Variants in SLC26A3 observed in about 807,000 individuals in gnomAD.
The protein encoded by SLC26A3 is solute carrier family 26 member 3.
In SLC26A3, 64 loss-of-function variants were observed where a neutral mutation model predicts 85.6. The observed-to-expected ratio is 0.75, with a 90% CI of 0.61 to 0.92. SLC26A3 has a LOEUF of 0.92. SLC26A3 is among the 40% of genes least tolerant of loss of function. SLC26A3 has a pLI of 0.00. For missense variants in SLC26A3, 922 were observed against 927.3 expected (o/e 0.99, Z 0.07); for synonymous variants, 349 against 336.0 (o/e 1.04, Z -0.42).
At chr7:107,797,739 C>CATTTTTTTTTTTTTTTTTTTTTTTTTTTT (rs781396459) in intron 1 of SLC26A3, among the ~76,000 whole-genome samples, 1 of 70,538 alleles carries the variant, frequency 1.4e-5, no homozygotes, top group African/African-American at 8.3e-5. Flanking sequence ...TTGAGCAGGA[C>CATTTTTTTTTTTTTTTTTTTTTTTTTTTT]CTTTTTTTTT....
rs1562881168 is a variant in SLC26A3, at chr7:107,791,876, T to C, written c.336A>G (p.Pro112=). 1.2e-6 allele frequency: 2 copies of C among 1,613,754 alleles called. 1 individual carries two copies. The highest frequency in any genetic ancestry group is 2.2e-5 in the South Asian group (2 of 91,080). Residue 112 remains proline (P), a synonymous_variant, in exon 4 of 21, where the codon CCA becomes CCG. Transcript: ENST00000340010. ...TGCCGAAGAAAAGGTAGATTATGGCTGGGAAAAAGGATGCATACAACCCAT... is the reference window on the plus strand; with the variant it reads ...TGCCGAAGAAAAGGTAGATTATGGCCGGGAAAAAGGATGCATACAACCCAT... ...PVYGLYASFF[P]AIIYLFFGTS... is the part of the protein sequence containing the mutation.
At chr7:107,779,843 AGT>A in intron 11 of SLC26A3, 80 bp from the exon 12 acceptor site, 1 of 1,209,590 alleles carries the variant, frequency 8.3e-7, no homozygotes, top group Non-Finnish European at 1.2e-6. Flanking sequence ...GCTATAGATA[AGT>A]GTGTGCTTTA....
At chr7:107,797,579 G>A (rs1794528864) in intron 1 of SLC26A3, among the ~76,000 whole-genome samples, 1 of 152,076 alleles carries the variant, frequency 6.6e-6, no homozygotes, top group Non-Finnish European at 1.5e-5. Flanking sequence ...TTTTCCCCTT[G>A]CACCCATCCC....
At position 107,782,817 on chromosome 7, in the gene SLC26A3, G is replaced by A; in HGVS notation, c.1291C>T (p.Leu431Phe). Residue 431 changes from leucine to phenylalanine, a missense_variant, in exon 11 of 21, where the codon CTC becomes TTC. By Grantham distance (22) the Leu-to-Phe change is conservative. Coordinates refer to ENST00000340010, the MANE Select transcript of SLC26A3 (RefSeq NM_000111.3). ...GTTACCTTTTGTAGAGGCGCCAGGA[G>A]AAATCCAATGGCTAGAACGACAATC... ...VLIVVLAIGFLLAPLQKSVLA... is the reference protein window; with the variant it reads ...VLIVVLAIGFFLAPLQKSVLA... 6.2e-7 allele frequency: 1 copy of A among 1,614,112 alleles called. No individual in the cohort carries two copies. The highest frequency in any genetic ancestry group is 8.5e-7 in the Non-Finnish European group (1 of 1,179,980).
intron 8 of SLC26A3, among the ~76,000 whole-genome samples, chr7:107,786,544 T>C (rs1249834613): frequency 6.6e-6 from 1 of 151,556 alleles, no homozygotes; most frequent in African/African-American, 2.4e-5. Context: ...TCCCTGCTTG[T>C]CTTGTTTGTG....
Position 107,789,720 on chromosome 7 carries a change from A to T in SLC26A3, c.571-32T>A, listed in dbSNP as rs1482961654. 2.5e-6 allele frequency: 4 copies of T among 1,602,108 alleles called. No individual in the cohort carries two copies. The African/African-American group carries it at 5.4e-5, about 21-fold the overall frequency. On this transcript the variant is annotated intron_variant, in intron 5 of 20. Coordinates refer to ENST00000340010, the MANE Select transcript of SLC26A3 (RefSeq NM_000111.3). ...AGAGAACAAAAGCCTTTGTCAGCATAGATTAGGAGTATACCTCAGCAAACT... is the reference window on the plus strand; with the variant it reads ...AGAGAACAAAAGCCTTTGTCAGCATTGATTAGGAGTATACCTCAGCAAACT...
chr7:107,790,132 A>G (rs1794368000), intron 5 of SLC26A3, among the ~76,000 whole-genome samples: 1 of 152,236 alleles, frequency 6.6e-6, no homozygotes, highest in African/African-American at 2.4e-5. Context: ...AAAGTTGCTC[A>G]ACTTGCTTAA....
In SLC26A3 at chr7:107,767,949, G is replaced by A. The variant is rs189832937; in HGVS notation, c.2063-41C>T. On this transcript the variant is annotated intron_variant, in intron 18 of 20. Coordinates refer to ENST00000340010, the MANE Select transcript of SLC26A3 (RefSeq NM_000111.3). ...CAGTAACTTTTAGGAAGAAACAATT[G>A]TTTGGCTACCGGTTTCCCCTTGAGG... 9.4e-6 allele frequency: 15 copies of A among 1,596,960 alleles called. No homozygotes were observed. In the African/African-American group the frequency reaches 2.0e-4, roughly 21 times the overall value.
chr7:107,767,038 AG>A (rs1361719222), intron 20 of SLC26A3, among the ~76,000 whole-genome samples: 5 of 152,214 alleles, frequency 3.3e-5, no homozygotes, highest in Non-Finnish European at 7.3e-5. Context: ...ATTGCTTTAA[AG>A]GACTGAATGT....
chr7:107,776,057 T>A (rs1446018898), intron 15 of SLC26A3: 2 of 298,690 alleles, frequency 6.7e-6, no homozygotes, highest in African/African-American at 4.3e-5. Context: ...ACTATTCATT[T>A]ACAACTGTTA....
intron 16 of SLC26A3, 119 bp downstream of exon 16, chr7:107,774,658 T>A: frequency 2.5e-6 from 2 of 801,370 alleles, no homozygotes; most frequent in Non-Finnish European, 2.2e-6. Context: ...ATAACACTCA[T>A]TGACACATGA....
intron 13 of SLC26A3, among the ~76,000 whole-genome samples, chr7:107,777,800 T>C (rs1466803706): frequency 6.6e-6 from 1 of 152,092 alleles, no homozygotes; most frequent in African/African-American, 2.4e-5. Flanking sequence ...GGAAACAATC[T>C]CACAATCTCA....
chr7:107,801,707 G>A (rs1467535097), intron 1 of SLC26A3, among the ~76,000 whole-genome samples: 1 of 152,096 alleles, frequency 6.6e-6, no homozygotes, highest in Non-Finnish European at 1.5e-5. Flanking sequence ...TATCCAGAGG[G>A]AGAAGGCAAA....
At chr7:107,800,781 A>G (rs965038324) in intron 1 of SLC26A3, among the ~76,000 whole-genome samples, 1 of 152,258 alleles carries the variant, frequency 6.6e-6, no homozygotes, top group Admixed American at 6.5e-5. Flanking sequence ...AATAAATTGG[A>G]AGAAGGGATG....
At chr7:107,800,565 C>A (rs1036951562) in intron 1 of SLC26A3, among the ~76,000 whole-genome samples, 30 of 152,330 alleles carry the variant, frequency 2.0e-4, no homozygotes, top group African/African-American at 7.0e-4. Flanking sequence ...GTTTATGTTT[C>A]TGTTCCCTTT....
chr7:107,786,143 C>T (rs1357120564), intron 8 of SLC26A3, among the ~76,000 whole-genome samples: 2 of 152,198 alleles, frequency 1.3e-5, no homozygotes, highest in Non-Finnish European at 2.9e-5. Flanking sequence ...GGACTGCTCA[C>T]GTGGAGTGCC....
chr7:107,767,967 C>G, intron 18 of SLC26A3, 59 bp from the exon 19 acceptor site: 1 of 1,524,306 alleles, frequency 6.6e-7, no homozygotes, highest in Non-Finnish European at 9.1e-7. Context: ...ACCGGTTTCC[C>G]CTTGAGGCTA....
intron 8 of SLC26A3, among the ~76,000 whole-genome samples, chr7:107,785,062 A>G (rs1794270474): frequency 6.6e-6 from 1 of 152,214 alleles, no homozygotes; most frequent in African/African-American, 2.4e-5. Flanking sequence ...CACCCAGAAA[A>G]AAAAATGGAG....
rs886061898 is a variant in SLC26A3 at position 107,765,725 on chromosome 7, G to A, written c.*130C>T. The A allele has an allele frequency of 5.3e-5, 37 of 701,602 alleles. No homozygotes were observed. The highest frequency in any genetic ancestry group is 8.6e-5 in the Non-Finnish European group (34 of 393,606). The allele number at this position is 701,602 out of a possible 1,614,324, so 43.5% of individuals were successfully genotyped here. The stretch of plus-strand genomic sequence containing the variant: ...AAATATGCCATGCTAGAACCATCTT[G>A]TTCCAAAGTTTGAAACATATTCTGT... On this transcript the variant is annotated 3_prime_UTR_variant, in exon 21 of 21. Coordinates refer to ENST00000340010, the MANE Select transcript of SLC26A3 (RefSeq NM_000111.3).
Sources: gnomAD v4.1 joint callset for allele counts (sites outside exome capture counted in the v4.1 genomes callset) on GRCh38, gnomAD v4.1.1 for gene constraint, MANE v1.5 for transcripts, NCBI Gene and HGNC (gene_info 2026-07-23, HGNC 2026-07-21) for gene names.